SMYD3: variants seen among roughly 807,000 people sequenced by gnomAD.
SMYD3 encodes the protein SET and MYND domain containing 3, also known as histone-lysine N-methyltransferase SMYD3.
SMYD3 carries 36 observed loss-of-function variants against 57.7 expected under a neutral mutation model. The ratio of observed to expected loss-of-function variants is 0.62; its 90% CI spans 0.48 to 0.82. SMYD3 has a LOEUF of 0.82. Among genes scored for constraint, SMYD3 ranks in the 40% least tolerant of loss-of-function variants. The probability of loss-of-function intolerance (pLI) is 0.00; values close to 1 mark genes in which losing one functional copy is unlikely to be tolerated. For synonymous variants in SMYD3, 211 were observed against 195.0 expected, an observed-to-expected ratio of 1.08 and a Z score of -0.68; for missense variants, 515 against 538.8, an observed-to-expected ratio of 0.96 and a Z score of 0.44.
At chr1:246,135,206 AG>A (rs765488212) in intron 5 of SMYD3, among the ~76,000 whole-genome samples, 148 of 152,240 alleles carry the variant, frequency 9.7e-4, no homozygotes, top group Non-Finnish European at 1.8e-3. Context: ...CCTTTCTAAT[AG>A]GTCTCACTAC....
intron 1 of SMYD3, among the ~76,000 whole-genome samples, chr1:246,486,190 C>T (rs2068185651): frequency 1.3e-5 from 2 of 152,002 alleles, no homozygotes; most frequent in South Asian, 4.2e-4. Context: ...CCCATTTTAC[C>T]AATGGGAAAA....
At chr1:246,236,464 G>C (rs1481342557) in intron 5 of SMYD3, among the ~76,000 whole-genome samples, 1 of 152,028 alleles carries the variant, frequency 6.6e-6, no homozygotes, top group Non-Finnish European at 1.5e-5. Flanking sequence ...GCCCAGGCTG[G>C]AGTGCAGTGG....
At chr1:246,192,599 T>A (rs899139361) in intron 5 of SMYD3, among the ~76,000 whole-genome samples, 1 of 152,164 alleles carries the variant, frequency 6.6e-6, no homozygotes, top group African/African-American at 2.4e-5. Flanking sequence ...TTAATGTAAA[T>A]GCTACAATAA....
chr1:246,104,051 G>A (rs2147947033), intron 5 of SMYD3, among the ~76,000 whole-genome samples: 1 of 152,260 alleles, frequency 6.6e-6, no homozygotes, highest in Admixed American at 6.5e-5. Flanking sequence ...CGCCTGGTAT[G>A]GAACACAAAC....
At chr1:246,313,473 T>C (rs1235462369) in intron 5 of SMYD3, among the ~76,000 whole-genome samples, 1 of 152,152 alleles carries the variant, frequency 6.6e-6, no homozygotes, top group Non-Finnish European at 1.5e-5. Flanking sequence ...GAAAGGAAAT[T>C]CTATTAAGGA....
chr1:246,324,135 C>T (rs1365853859), intron 5 of SMYD3, among the ~76,000 whole-genome samples: 1 of 152,106 alleles, frequency 6.6e-6, no homozygotes, highest in African/African-American at 2.4e-5. Context: ...CTAAAACTGG[C>T]CGGGTGCGGT....
chr1:246,234,347 G>C (rs1015676541), intron 5 of SMYD3, among the ~76,000 whole-genome samples: 1 of 138,950 alleles, frequency 7.2e-6, no homozygotes, highest in African/African-American at 2.7e-5. Flanking sequence ...TGTACCACAT[G>C]GAGGAGAAGC....
chr1:245,799,275 T>A (rs1393763160), intron 10 of SMYD3, among the ~76,000 whole-genome samples: 1 of 151,756 alleles, frequency 6.6e-6, no homozygotes, highest in Non-Finnish European at 1.5e-5. Flanking sequence ...AGGGGAGGGG[T>A]TGCAGCAGCT....
At chr1:245,777,660 AG>A (rs1374528161) in intron 10 of SMYD3, among the ~76,000 whole-genome samples, 1 of 152,206 alleles carries the variant, frequency 6.6e-6, no homozygotes, top group Non-Finnish European at 1.5e-5. Flanking sequence ...TGACCAGCAG[AG>A]TGGAAGCCTT....
At chr1:246,108,708 C>A (rs535859548) in intron 5 of SMYD3, 1 of 152,178 alleles carries the variant, frequency 6.6e-6, no homozygotes, top group Non-Finnish European at 1.5e-5. Context: ...CTGTTGTGTA[C>A]GGGATAAAGG....
At chr1:246,060,286 AAAAAAT>A (rs2060228568) in intron 5 of SMYD3, among the ~76,000 whole-genome samples, 1 of 151,684 alleles carries the variant, frequency 6.6e-6, no homozygotes, top group South Asian at 2.1e-4. Flanking sequence ...AGACTGTCTC[AAAAAAT>A]AAAAATAAAG....
chr1:245,961,922 G>A (rs1375681334), intron 5 of SMYD3, among the ~76,000 whole-genome samples: 1 of 152,156 alleles, frequency 6.6e-6, no homozygotes, highest in East Asian at 1.9e-4. Context: ...TGAATAAACT[G>A]CACGGTTATT....
intron 5 of SMYD3, among the ~76,000 whole-genome samples, chr1:246,198,307 T>C (rs762624497): frequency 3.3e-5 from 5 of 152,236 alleles, no homozygotes; most frequent in Non-Finnish European, 7.3e-5. Context: ...TAACCAGCAA[T>C]GTGAATAATG....
chr1:246,280,909 A>T (rs2064428004), intron 5 of SMYD3, among the ~76,000 whole-genome samples: 1 of 152,186 alleles, frequency 6.6e-6, no homozygotes, highest in Admixed American at 6.5e-5. Flanking sequence ...CCAAATTCCA[A>T]ATGGAAGGAT....
intron 1 of SMYD3, among the ~76,000 whole-genome samples, chr1:246,475,594 C>A (rs1330140639): frequency 2.6e-5 from 4 of 151,818 alleles, no homozygotes; most frequent in African/African-American, 9.7e-5. Context: ...TGCATTGAGT[C>A]GAGATCACAC....
At chr1:246,266,217 G>A (rs1425724436) in intron 5 of SMYD3, among the ~76,000 whole-genome samples, 1 of 152,032 alleles carries the variant, frequency 6.6e-6, no homozygotes, top group East Asian at 1.9e-4. Flanking sequence ...AGGAAGTTTG[G>A]CTTTCTTTTT....
At chr1:245,853,301 A>G (rs900160595) in intron 10 of SMYD3, among the ~76,000 whole-genome samples, 1 of 152,180 alleles carries the variant, frequency 6.6e-6, no homozygotes, top group African/African-American at 2.4e-5. Context: ...TCTAGGAATG[A>G]GCTTCGTTGT....
chr1:246,255,196 G>C (rs2148507940), intron 5 of SMYD3, among the ~76,000 whole-genome samples: 1 of 152,046 alleles, frequency 6.6e-6, no homozygotes, highest in East Asian at 1.9e-4. Flanking sequence ...GGGCTTCCTT[G>C]TCTTGTTCCA....
chr1:245,814,097 A>C (rs1286991203), intron 10 of SMYD3, among the ~76,000 whole-genome samples: 1 of 152,030 alleles, frequency 6.6e-6, no homozygotes, highest in Non-Finnish European at 1.5e-5. Context: ...ATCCTCACAT[A>C]ATGTGGGAGC....
Sources: allele counts gnomAD v4.1 joint callset (sites outside exome capture counted in the v4.1 genomes callset), GRCh38; gene constraint gnomAD v4.1.1; transcripts MANE v1.5; gene names NCBI Gene and HGNC (gene_info 2026-07-23, HGNC 2026-07-21).